Variants in SHTN1 observed in about 807,000 individuals in gnomAD.
SHTN1 encodes the protein shootin-1.
A neutral mutation model predicts 83.1 loss-of-function variants in SHTN1; 42 were observed. The observed-to-expected ratio is 0.51, with a 90% CI of 0.39 to 0.65. The LOEUF is 0.65. SHTN1 is among the 30% of genes least tolerant of loss of function. The probability of loss-of-function intolerance (pLI) is 0.00; values close to 1 mark genes in which losing one functional copy is unlikely to be tolerated. For missense variants in SHTN1, 622 were observed against 737.8 expected, an observed-to-expected ratio of 0.84 and a Z score of 1.82; for synonymous variants, 224 against 247.7, an observed-to-expected ratio of 0.90 and a Z score of 0.90.
At chr10:116,894,817 C>T (rs1564862399) in intron 16 of SHTN1, among the ~76,000 whole-genome samples, 1 of 152,124 alleles carries the variant, frequency 6.6e-6, no homozygotes, top group South Asian at 2.1e-4. Context: ...AGACAAGCAG[C>T]GCCACTTTCA....
At chr10:116,963,973 G>T (rs72833408) in intron 3 of SHTN1, among the ~76,000 whole-genome samples, 34,752 of 146,138 alleles carry the variant, frequency 0.24, 4,148 homozygotes, top group East Asian at 0.3. Flanking sequence ...TAGGGTAACT[G>T]TTTTTTTTTT....
At chr10:116,976,991 C>T (rs975502043) in intron 2 of SHTN1, among the ~76,000 whole-genome samples, 2 of 152,144 alleles carry the variant, frequency 1.3e-5, no homozygotes, top group African/African-American at 2.4e-5. Context: ...AACATGTAAA[C>T]AGTTAATGGG....
chr10:116,957,538 G>C (rs968969380), intron 4 of SHTN1, among the ~76,000 whole-genome samples: 1 of 151,804 alleles, frequency 6.6e-6, no homozygotes, highest in African/African-American at 2.4e-5. Flanking sequence ...ACAGGCGTGA[G>C]CCACCGTGCC....
intron 1 of SHTN1, among the ~76,000 whole-genome samples, chr10:117,061,176 T>G (rs1852895252): frequency 6.8e-6 from 1 of 147,976 alleles, no homozygotes; most frequent in Admixed American, 6.8e-5. Flanking sequence ...AGGTGGAGTC[T>G]CGCTGTGTCA....
intron 9 of SHTN1, among the ~76,000 whole-genome samples, chr10:116,936,761 G>T (rs956126325): frequency 6.6e-6 from 1 of 152,090 alleles, no homozygotes; most frequent in Non-Finnish European, 1.5e-5. Flanking sequence ...TGACAGTGGG[G>T]TGTTAAAGTC....
At chr10:117,106,608 T>G (rs1186391038) in intron 1 of SHTN1, among the ~76,000 whole-genome samples, 2 of 152,086 alleles carry the variant, frequency 1.3e-5, no homozygotes, top group Non-Finnish European at 2.9e-5. Context: ...GGGAAACAGC[T>G]GGAAGTAGAA....
At chr10:116,995,298 T>C (rs1248810081) in intron 1 of SHTN1, among the ~76,000 whole-genome samples, 2 of 152,134 alleles carry the variant, frequency 1.3e-5, no homozygotes, top group Non-Finnish European at 2.9e-5. Flanking sequence ...GAAATACCAG[T>C]GGACTAGGTA....
chr10:117,085,648 GGTTCA>G (rs1223130633), intron 1 of SHTN1, among the ~76,000 whole-genome samples: 14 of 152,258 alleles, frequency 9.2e-5, no homozygotes, highest in Non-Finnish European at 1.3e-4. Context: ...CTGGTGATGG[GGTTCA>G]GTTCAACTAT....
chr10:117,025,337 G>C (rs1225466038), intron 2 of SHTN1, among the ~76,000 whole-genome samples: 3 of 152,180 alleles, frequency 2.0e-5, no homozygotes, highest in Non-Finnish European at 2.9e-5. Flanking sequence ...CCCATGGAGG[G>C]AGCATTAAAG....
intron 2 of SHTN1, among the ~76,000 whole-genome samples, chr10:117,012,947 A>G (rs911735686): frequency 6.6e-6 from 1 of 152,144 alleles, no homozygotes; most frequent in Admixed American, 6.5e-5. Context: ...GAGCCAATGT[A>G]GTGGCTTGTG....
At chr10:117,093,695 C>T (rs549579484) in intron 1 of SHTN1, among the ~76,000 whole-genome samples, 13 of 152,262 alleles carry the variant, frequency 8.5e-5, no homozygotes, top group Non-Finnish European at 1.6e-4. Context: ...TAACAACTTA[C>T]GGAACAACTA....
chr10:116,986,363 A>G (rs1564915326), intron 1 of SHTN1, among the ~76,000 whole-genome samples: 1 of 152,180 alleles, frequency 6.6e-6, no homozygotes, highest in Non-Finnish European at 1.5e-5. Flanking sequence ...AGCAGCCTGG[A>G]AGCGAAACCT....
intron 9 of SHTN1, among the ~76,000 whole-genome samples, chr10:116,933,326 C>T (rs781154624): frequency 2.9e-4 from 44 of 151,736 alleles, no homozygotes; most frequent in Non-Finnish European, 5.7e-4. Context: ...CTTGCCCCCA[C>T]CCCCCGACAG....
chr10:117,041,666 C>A (rs549515876), intron 2 of SHTN1, among the ~76,000 whole-genome samples: 1 of 152,266 alleles, frequency 6.6e-6, no homozygotes, highest in South Asian at 2.1e-4. Context: ...GTGTAACTTT[C>A]CGAAGCACTT....
chr10:117,105,956 G>A (rs1853662774), intron 1 of SHTN1, among the ~76,000 whole-genome samples: 2 of 152,066 alleles, frequency 1.3e-5, no homozygotes, highest in Non-Finnish European at 2.9e-5. Context: ...CGAGGCTGAG[G>A]TGAACCATGT....
At chr10:117,073,733 T>A (rs1853117480) in intron 1 of SHTN1, among the ~76,000 whole-genome samples, 1 of 152,184 alleles carries the variant, frequency 6.6e-6, no homozygotes, top group Non-Finnish European at 1.5e-5. Context: ...GACAACTCAG[T>A]AACTCTTCTT....
chr10:116,974,029 C>G (rs1408795716), intron 2 of SHTN1: 5 of 1,064,604 alleles, frequency 4.7e-6, no homozygotes, highest in Non-Finnish European at 5.8e-6. Flanking sequence ...GGATGGAATT[C>G]CTTTCACTCT....
intron 7 of SHTN1, among the ~76,000 whole-genome samples, chr10:116,946,814 T>C (rs1849612417): frequency 6.6e-6 from 1 of 151,470 alleles, no homozygotes; most frequent in Non-Finnish European, 1.5e-5. Context: ...GCCTCCTAGG[T>C]TCAAGTGATT....
intron 2 of SHTN1, among the ~76,000 whole-genome samples, chr10:117,024,944 T>G (rs1016791130): frequency 8.6e-5 from 13 of 152,018 alleles, no homozygotes; most frequent in Non-Finnish European, 1.5e-4. Flanking sequence ...TTAATAAAAT[T>G]TTGGGGAAAA....
Sources: gnomAD v4.1 joint callset for allele counts (sites outside exome capture counted in the v4.1 genomes callset) on GRCh38, gnomAD v4.1.1 for gene constraint, MANE v1.5 for transcripts, NCBI Gene and HGNC (gene_info 2026-07-23, HGNC 2026-07-21) for gene names.